The following CCDC148 variants were observed in gnomAD, a reference collection of about 807,000 sequenced individuals.
CCDC148 encodes the protein coiled-coil domain containing 148.
CCDC148 carries 89 observed loss-of-function variants against 85.7 expected under a neutral mutation model. The observed-to-expected ratio is 1.04, with a 90% CI of 0.87 to 1.24. CCDC148 has a LOEUF of 1.24. Ranked by LOEUF, CCDC148 falls within the 50% of genes most tolerant of loss-of-function variation. The pLI is 0.00. For synonymous variants in CCDC148, 230 were observed against 213.9 expected, an observed-to-expected ratio of 1.08 and a Z score of -0.66; for missense variants, 692 against 671.7, an observed-to-expected ratio of 1.03 and a Z score of -0.33.
At chr2:158,262,324 C>G (rs191939895) in intron 9 of CCDC148, among the ~76,000 whole-genome samples, 25 of 151,888 alleles carry the variant, frequency 1.6e-4, no homozygotes, top group Admixed American at 1.4e-3. Flanking sequence ...CTCGTGAACA[C>G]AAAGAAGGGA....
intron 9 of CCDC148, among the ~76,000 whole-genome samples, chr2:158,272,575 T>C (rs1689745055): frequency 2.0e-5 from 3 of 152,132 alleles, no homozygotes; most frequent in African/African-American, 4.8e-5. Context: ...ACTCAGACCT[T>C]TTGATGAAGC....
chr2:158,323,919 C>CTTTTTTTTTTTTTTT (rs777356867), intron 7 of CCDC148, among the ~76,000 whole-genome samples: 9 of 82,946 alleles, frequency 1.1e-4, no homozygotes, highest in Non-Finnish European at 1.7e-4. Context: ...CTGGGAATAA[C>CTTTTTTTTTTTTTTT]TTTTTTTTTT....
intron 1 of CCDC148, among the ~76,000 whole-genome samples, chr2:158,438,444 C>T (rs185144304): frequency 2.0e-4 from 30 of 152,300 alleles, no homozygotes; most frequent in African/African-American, 7.0e-4. Flanking sequence ...GAAACTGGAT[C>T]CCTTCCTTAC....
intron 5 of CCDC148, among the ~76,000 whole-genome samples, chr2:158,339,596 G>GT (rs1559081846): frequency 6.6e-6 from 1 of 152,170 alleles, no homozygotes; most frequent in Non-Finnish European, 1.5e-5. Context: ...AAAAAAATAT[G>GT]TAAGAAAGGG....
intron 9 of CCDC148, among the ~76,000 whole-genome samples, chr2:158,258,663 GACTGTACTTCCC>G (rs1689102056): frequency 6.6e-6 from 1 of 151,724 alleles, no homozygotes; most frequent in South Asian, 2.1e-4. Flanking sequence ...TATTACTCCT[GACTGTACTTCCC>G]ACTGTCTCTT....
At chr2:158,302,413 A>G (rs1691486641) in intron 9 of CCDC148, among the ~76,000 whole-genome samples, 1 of 152,096 alleles carries the variant, frequency 6.6e-6, no homozygotes, top group South Asian at 2.1e-4. Context: ...CTCATGTGGC[A>G]TTCAGCATCC....
intron 9 of CCDC148, among the ~76,000 whole-genome samples, chr2:158,284,998 G>T (rs914891913): frequency 5.3e-5 from 8 of 152,110 alleles, no homozygotes; most frequent in African/African-American, 1.9e-4. Context: ...TAAGAATTCA[G>T]TGCATTAGGC....
At chr2:158,373,995 C>T (rs983254615) in intron 1 of CCDC148, among the ~76,000 whole-genome samples, 1 of 152,008 alleles carries the variant, frequency 6.6e-6, no homozygotes, top group Non-Finnish European at 1.5e-5. Flanking sequence ...TAAGTGATTA[C>T]ATTATAGATC....
intron 1 of CCDC148, among the ~76,000 whole-genome samples, chr2:158,450,968 G>T (rs904449585): frequency 2.0e-5 from 3 of 152,082 alleles, no homozygotes; most frequent in Non-Finnish European, 4.4e-5. Context: ...ACAAGTCCCA[G>T]CAGCTTTGTT....
At chr2:158,316,239 A>C (rs372337305) in intron 7 of CCDC148, among the ~76,000 whole-genome samples, 1 of 152,272 alleles carries the variant, frequency 6.6e-6, no homozygotes, top group East Asian at 1.9e-4. Flanking sequence ...GCAAACATTT[A>C]CAAAAATGCT....
At chr2:158,321,107 A>C (rs564352646) in intron 7 of CCDC148, among the ~76,000 whole-genome samples, 26 of 152,282 alleles carry the variant, frequency 1.7e-4, no homozygotes, top group African/African-American at 6.3e-4. Flanking sequence ...GAGAATTTAA[A>C]ATGTTTTATT....
At chr2:158,229,416 T>G (rs140900938) in intron 10 of CCDC148, among the ~76,000 whole-genome samples, 53 of 152,342 alleles carry the variant, frequency 3.5e-4, no homozygotes, top group Non-Finnish European at 5.7e-4. Context: ...TTAATAACCA[T>G]TTGATTGATG....
chr2:158,421,841 G>A (rs1686803396), intron 1 of CCDC148, among the ~76,000 whole-genome samples: 2 of 152,020 alleles, frequency 1.3e-5, no homozygotes, highest in Admixed American at 1.3e-4. Context: ...TAGACCACTA[G>A]CAAGACTAAT....
chr2:158,349,710 G>A (rs1044385202), intron 2 of CCDC148, among the ~76,000 whole-genome samples: 9 of 151,836 alleles, frequency 5.9e-5, no homozygotes, highest in African/African-American at 9.7e-5. Flanking sequence ...AAAAAATAAT[G>A]TACAGCAATA....
At chr2:158,375,199 T>C (rs1036264555) in intron 1 of CCDC148, among the ~76,000 whole-genome samples, 2 of 152,040 alleles carry the variant, frequency 1.3e-5, no homozygotes, top group African/African-American at 4.8e-5. Flanking sequence ...CCTGCCAAGT[T>C]TGGACCACTT....
intron 1 of CCDC148, among the ~76,000 whole-genome samples, chr2:158,442,047 T>G (rs1475704811): frequency 6.6e-6 from 1 of 152,148 alleles, no homozygotes; most frequent in Non-Finnish European, 1.5e-5. Flanking sequence ...CAAACTAGAA[T>G]CTTGTTATTA....
At chr2:158,454,926 C>T (rs955669736) in intron 1 of CCDC148, among the ~76,000 whole-genome samples, 3 of 152,046 alleles carry the variant, frequency 2.0e-5, no homozygotes, top group Non-Finnish European at 2.9e-5. Flanking sequence ...ATGACAAACA[C>T]GAAATCTACA....
chr2:158,335,129 T>C (rs968191868), intron 7 of CCDC148, among the ~76,000 whole-genome samples: 2 of 152,166 alleles, frequency 1.3e-5, no homozygotes, highest in Admixed American at 1.3e-4. Context: ...GCTCAGTTTC[T>C]CCAGGACTCC....
chr2:158,349,813 G>A (rs991300884), intron 2 of CCDC148, among the ~76,000 whole-genome samples: 2 of 152,046 alleles, frequency 1.3e-5, no homozygotes, highest in Non-Finnish European at 2.9e-5. Flanking sequence ...GAAGTACCTA[G>A]GACACATTTT....
Sources: gnomAD v4.1 joint callset for allele counts (sites outside exome capture counted in the v4.1 genomes callset) on GRCh38, gnomAD v4.1.1 for gene constraint, MANE v1.5 for transcripts, NCBI Gene and HGNC (gene_info 2026-07-23, HGNC 2026-07-21) for gene names.